IWS1: variants seen among roughly 807,000 people sequenced by gnomAD.
IWS1 encodes the protein protein IWS1 homolog.
Under a neutral mutation model 86.7 loss-of-function variants are expected in IWS1, and 27 were observed. The observed-to-expected ratio is 0.31, with a 90% CI of 0.23 to 0.43. The LOEUF (loss-of-function observed/expected upper bound fraction) is 0.43. Ranked by LOEUF, IWS1 falls within the 20% of genes least tolerant of loss-of-function variation. The pLI, the probability that IWS1 is intolerant of heterozygous loss-of-function variation, is 1.00. For missense variants in IWS1, 827 were observed against 1,000.8 expected (o/e 0.83, Z 2.34); for synonymous variants, 313 against 335.1 (o/e 0.93, Z 0.72).
intron 10 of IWS1, among the ~76,000 whole-genome samples, chr2:127,491,371 C>T (rs964434096): frequency 1.4e-4 from 21 of 152,202 alleles, no homozygotes; most frequent in African/African-American, 5.1e-4. Context: ...ATATCAACTC[C>T]ATGGCCTGCA....
chr2:127,507,122 T>C (rs192179033), intron 2 of IWS1, among the ~76,000 whole-genome samples: 5 of 152,290 alleles, frequency 3.3e-5, no homozygotes, highest in Non-Finnish European at 1.5e-5. Context: ...CCTTTAATAA[T>C]ATATATGCCC....
chr2:127,492,173 A>G (rs746676787), intron 9 of IWS1, 85 bp from the exon 10 acceptor site: 1 of 762,482 alleles, frequency 1.3e-6, no homozygotes, highest in Non-Finnish European at 2.3e-6. Context: ...TGGCACATTC[A>G]CAACAGAACA....
chr2:127,518,381 T>C (rs1225272279), intron 2 of IWS1, among the ~76,000 whole-genome samples: 1 of 152,124 alleles, frequency 6.6e-6, no homozygotes, highest in Non-Finnish European at 1.5e-5. Flanking sequence ...CTGGGCATAC[T>C]GGCGCATGCC....
At chr2:127,504,059 T>C (rs919986989) in intron 3 of IWS1, among the ~76,000 whole-genome samples, 5 of 152,218 alleles carry the variant, frequency 3.3e-5, no homozygotes, top group African/African-American at 1.2e-4. Context: ...CTGGTACCTT[T>C]TCCTTCTCCT....
chr2:127,480,930 G>A lies in IWS1; in HGVS notation c.*114C>T, dbSNP rs953744218. The A allele has an allele frequency of 7.8e-6, 9 of 1,151,608 alleles. No homozygotes were observed. In the African/African-American group the frequency reaches 1.4e-4, roughly 18 times the overall value. The allele number at this position is 1,151,608 out of a possible 1,614,324, so 71.3% of individuals were successfully genotyped here. On this transcript the variant is annotated 3_prime_UTR_variant, in exon 14 of 14. Transcript: ENST00000295321. Reference sequence around the variant, plus strand: ...AAATGTGAGTCCTATGACAACATCTGATACACGCTGAACCATTTACAGACA... The same window carrying A: ...AAATGTGAGTCCTATGACAACATCTAATACACGCTGAACCATTTACAGACA...
intron 2 of IWS1, chr2:127,514,742 C>CA (rs1369490514): frequency 1.3e-5 from 2 of 152,594 alleles, no homozygotes; most frequent in Non-Finnish European, 2.9e-5. Context: ...CCCGCTGCAG[C>CA]AGCTGACCCG....
At position 127,489,043 on chromosome 2, in the gene IWS1, T is replaced by C. The variant is rs1482488761; in HGVS notation, c.2216+136A>G. The C allele has an allele frequency of 6.3e-6, 4 of 630,926 alleles. No individual in the cohort carries two copies. In the East Asian group the frequency reaches 1.1e-4, roughly 17 times the overall value. The allele number at this position is 630,926 out of a possible 1,614,324, so 39.1% of individuals were successfully genotyped here. ...CCAGAGTACCCAATACAATGCTTTG[T>C]AGATACTAAACGTTAAAATGAAAGT... On this transcript the variant is annotated intron_variant, in intron 12 of 13. Coordinates refer to ENST00000295321, the MANE Select transcript of IWS1 (RefSeq NM_017969.3). This position sits in a 1 kb window ranked among gnomAD's most constrained non-coding sequence, Gnocchi z 4.8.
At chr2:127,488,353 T>A (rs1690045472) in intron 12 of IWS1, among the ~76,000 whole-genome samples, 1 of 152,226 alleles carries the variant, frequency 6.6e-6, no homozygotes, top group African/African-American at 2.4e-5. Flanking sequence ...TCACATTTAA[T>A]ATGCTCAAAA....
At position 127,490,076 on chromosome 2, in the gene IWS1, G is replaced by C. The variant is rs377232161; in HGVS notation, c.2048-133C>G. The C allele has an allele frequency of 7.2e-5, 46 of 642,790 alleles. No homozygotes were observed. In the East Asian group the frequency reaches 1.2e-3, roughly 16 times the overall value. The allele number at this position is 642,790 out of a possible 1,614,324, so 39.8% of individuals were successfully genotyped here. A position where few individuals can be genotyped will look rare whatever the true frequency, so the allele number is the denominator to read the frequency against. ...TTTCCTTGAAGAGTCCATTATTTCA[G>C]AGTAATTTATAGGATAAACAAAGCA... On this transcript the variant is annotated intron_variant, in intron 10 of 13. Coordinates refer to ENST00000295321, the MANE Select transcript of IWS1 (RefSeq NM_017969.3).
chr2:127,481,977 A>G (rs372688861), intron 13 of IWS1, among the ~76,000 whole-genome samples: 11 of 152,168 alleles, frequency 7.2e-5, no homozygotes, highest in African/African-American at 2.7e-4. Context: ...TTTGGGGGCT[A>G]TTTTATATTT....
In IWS1 at chr2:127,503,546, G is replaced by A. The variant is rs1690928402; in HGVS notation, c.1250C>T (p.Ala417Val). The A allele has an allele frequency of 1.9e-6, 3 of 1,607,630 alleles. No homozygotes were observed. The highest frequency in any genetic ancestry group is 1.3e-5 in the African/African-American group (1 of 74,724). The change falls in exon 4 of 14, where the codon GCA becomes GTA. Residue 417 changes from alanine to valine, a missense_variant. Around this residue, in one of 2 missense-constraint regions of IWS1, gnomAD observed 548 missense variants for 560.2 expected, o/e 0.98. Transcript: ENST00000295321. The part of the protein sequence containing the change: ...SAKKSRVVSD[A>V]DDSDSDAVSD... ...TACAGCATCACTGTCAGAGTCATCT[G>A]CATCAGAGACAACACGACTCTTCTT...
chr2:127,488,977 T>A (rs1057356862), intron 12 of IWS1, among the ~76,000 whole-genome samples: 7 of 152,130 alleles, frequency 4.6e-5, no homozygotes, highest in African/African-American at 1.7e-4. Context: ...AGCAATAAAA[T>A]CTTTATTGAA....
chr2:127,486,348 T>G (rs1177615213), intron 13 of IWS1: 1 of 436,312 alleles, frequency 2.3e-6, no homozygotes, highest in African/African-American at 2.0e-5. Flanking sequence ...TGAAGAAAAA[T>G]TCATCAGCAA....
chr2:127,526,288 G>T lies in IWS1; in HGVS notation c.-80C>A. On this transcript the variant is annotated 5_prime_UTR_variant, in exon 1 of 14. Transcript: ENST00000295321. ...CCTTCCAGGCGGTGTGACCCCGGAT[G>T]GCGCGGCTAAGTGTTCAGAGACTGC... is the stretch of plus-strand genomic sequence containing the variant. The T allele has an allele frequency of 6.5e-7, 1 of 1,544,698 alleles. No homozygotes were observed. The highest frequency in any genetic ancestry group is 1.2e-5 in the South Asian group (1 of 84,098).
intron 12 of IWS1, among the ~76,000 whole-genome samples, chr2:127,488,899 A>G (rs909513744): frequency 1.3e-5 from 2 of 152,208 alleles, no homozygotes; most frequent in African/African-American, 4.8e-5. Context: ...CACTTTTGAG[A>G]GCATAGACTA....
At chr2:127,496,584 C>CACACACA (rs1553434114) in intron 6 of IWS1, among the ~76,000 whole-genome samples, 1 of 150,062 alleles carries the variant, frequency 6.7e-6, no homozygotes, top group African/African-American at 2.5e-5. Context: ...CACACACACA[C>CACACACA]ATTTTTTAAA....
chr2:127,511,118 A>C (rs779236053), intron 2 of IWS1: 9 of 152,150 alleles, frequency 5.9e-5, no homozygotes, highest in Non-Finnish European at 1.3e-4. Context: ...TTCGTGCCTA[A>C]AAACTTGCCA....
In IWS1 at chr2:127,503,476, A is replaced by G. The variant is rs1428075370; in HGVS notation, c.1320T>C (p.Ser440=). The part of the protein sequence containing the change: ...GKREKTIASD[S]EEEAGKELSD... ...ACAATTCTTTCCCAGCTTCTTCCTC[A>G]CTGTCAGATGCTATGGTCTTCTCTC... The change falls in exon 4 of 14, where the codon AGT becomes AGC. Residue 440 remains serine, a synonymous_variant. Coordinates refer to ENST00000295321, the MANE Select transcript of IWS1 (RefSeq NM_017969.3). 2 of 1,612,856 alleles carry G rather than the reference A, an allele frequency of 1.2e-6. No homozygotes were observed. The highest frequency in any genetic ancestry group is 2.7e-5 in the African/African-American group (2 of 74,784).
In IWS1 at chr2:127,483,577, G is replaced by GGT. The variant is rs1553431193; in HGVS notation, c.2329-2403_2329-2402insAC. On this transcript the variant is annotated intron_variant, in intron 13 of 13. Transcript: ENST00000295321. Reference sequence around the variant, plus strand: ...ACCAAAATTATAATTTGGTCGGGGCGGGGGGTGGTGGGGTGGGGGGGTTGG... The same window carrying GGT: ...ACCAAAATTATAATTTGGTCGGGGCGGTGGGGGTGGTGGGGTGGGGGGGTTGG... Among the ~76,000 whole-genome samples, 9 of 47,594 alleles carry GGT rather than the reference G, an allele frequency of 1.9e-4. 1 individual carries two copies. The highest frequency in any genetic ancestry group is 1.5e-3 in the South Asian group (2 of 1,368). 31.2% of individuals were successfully genotyped at this position (47,594 alleles called of 152,430 possible).
Sources: gnomAD v4.1 joint callset for allele counts (sites outside exome capture counted in the v4.1 genomes callset) on GRCh38, gnomAD v4.1.1 for gene constraint, gnomAD v4.1.1 regional missense constraint, Gnocchi (gnomAD v3.1) non-coding constraint, MANE v1.5 for transcripts, NCBI Gene and HGNC (gene_info 2026-07-23, HGNC 2026-07-21) for gene names.